ADGRL3: variants seen among roughly 807,000 people sequenced by gnomAD.
ADGRL3 encodes the protein calcium-independent alpha-latrotoxin receptor 3.
A neutral mutation model predicts 153.5 loss-of-function variants in ADGRL3; 62 were observed. The ratio of observed to expected loss-of-function variants is 0.40; its 90% CI spans 0.33 to 0.50. The LOEUF (loss-of-function observed/expected upper bound fraction) is 0.50. ADGRL3 is among the 20% of genes least tolerant of loss of function. The probability of loss-of-function intolerance (pLI) is 0.47; values close to 1 mark genes in which losing one functional copy is unlikely to be tolerated. For missense variants in ADGRL3, 1,641 were observed against 1,859.4 expected, an observed-to-expected ratio of 0.88 and a Z score of 2.16; for synonymous variants, 710 against 672.5, an observed-to-expected ratio of 1.06 and a Z score of -0.86.
At chr4:61,886,393 T>G (rs1447068096) in intron 9 of ADGRL3, among the ~76,000 whole-genome samples, 1 of 152,118 alleles carries the variant, frequency 6.6e-6, no homozygotes, top group African/African-American at 2.4e-5. Flanking sequence ...TAGTGGACTT[T>G]GGATGTAAAT....
At chr4:61,892,559 G>T in intron 9 of ADGRL3, 97 bp from the exon 10 acceptor site, 1 of 866,726 alleles carries the variant, frequency 1.2e-6, no homozygotes, top group South Asian at 1.6e-5. Context: ...AAAGCTCTTT[G>T]AACTGTCAAA....
At chr4:62,041,808 CT>C (rs917566092) in intron 24 of ADGRL3, among the ~76,000 whole-genome samples, 1 of 152,028 alleles carries the variant, frequency 6.6e-6, no homozygotes, top group Non-Finnish European at 1.5e-5. Context: ...ATACTATATA[CT>C]TTTTCCTCTG....
chr4:61,723,425 T>A (rs1021495139), intron 6 of ADGRL3, among the ~76,000 whole-genome samples: 4 of 151,588 alleles, frequency 2.6e-5, no homozygotes, highest in Admixed American at 2.6e-4. Context: ...AGAAAAAAGC[T>A]CCCCCATACA....
At chr4:61,351,168 C>A (rs1195893017) in intron 1 of ADGRL3, among the ~76,000 whole-genome samples, 1 of 152,186 alleles carries the variant, frequency 6.6e-6, no homozygotes, top group Non-Finnish European at 1.5e-5. Context: ...GATAGAAAAT[C>A]AAGGCAGCCA....
chr4:61,223,532 G>A (rs911219197), intron 1 of ADGRL3, among the ~76,000 whole-genome samples: 6 of 152,276 alleles, frequency 3.9e-5, no homozygotes, highest in African/African-American at 1.4e-4. Context: ...GGTGAGTGGT[G>A]GTGTGTGTCG....
At chr4:61,680,184 T>C (rs1442596993) in intron 6 of ADGRL3, among the ~76,000 whole-genome samples, 1 of 152,008 alleles carries the variant, frequency 6.6e-6, no homozygotes, top group East Asian at 1.9e-4. Context: ...TTCATTAATG[T>C]GAGGGAAATT....
At chr4:61,822,653 A>G (rs777285886) in intron 9 of ADGRL3, among the ~76,000 whole-genome samples, 1 of 152,170 alleles carries the variant, frequency 6.6e-6, no homozygotes, top group Non-Finnish European at 1.5e-5. Context: ...ATAATTTAGC[A>G]TACTCTTTCT....
intron 11 of ADGRL3, among the ~76,000 whole-genome samples, chr4:61,908,608 CAAA>C (rs5858741): frequency 2.8e-4 from 25 of 89,710 alleles, no homozygotes; most frequent in African/African-American, 9.6e-4. Context: ...AACAACGCCT[CAAA>C]AAAAAAAAAA....
chr4:61,797,022 C>T (rs1241034649), intron 8 of ADGRL3, among the ~76,000 whole-genome samples: 1 of 152,092 alleles, frequency 6.6e-6, no homozygotes, highest in African/African-American at 2.4e-5. Context: ...CCTGTCCTGT[C>T]AATTTGGCTT....
At chr4:61,317,087 G>A (rs2095239156) in intron 1 of ADGRL3, among the ~76,000 whole-genome samples, 1 of 152,152 alleles carries the variant, frequency 6.6e-6, no homozygotes. Context: ...TAAGAGAGGA[G>A]TAAACCTTGA....
intron 8 of ADGRL3, among the ~76,000 whole-genome samples, chr4:61,767,480 A>C (rs1580724967): frequency 6.6e-6 from 1 of 152,082 alleles, no homozygotes; most frequent in Non-Finnish European, 1.5e-5. Context: ...GGACGGGCTT[A>C]CCTTCCACTG....
intron 4 of ADGRL3, among the ~76,000 whole-genome samples, chr4:61,573,348 A>G (rs1003935076): frequency 3.9e-5 from 6 of 151,990 alleles, no homozygotes; most frequent in Non-Finnish European, 8.8e-5. Context: ...ATATATCTGC[A>G]TTCATCTTAA....
intron 2 of ADGRL3, 40 bp from the exon 3 acceptor site, chr4:61,497,081 T>C: frequency 3.8e-6 from 2 of 526,316 alleles, no homozygotes; most frequent in South Asian, 5.2e-5. Context: ...GATTACTTAC[T>C]TATTTTATAC....
chr4:61,993,437 A>G (rs1021254712), intron 19 of ADGRL3, among the ~76,000 whole-genome samples: 3 of 150,964 alleles, frequency 2.0e-5, no homozygotes, highest in Admixed American at 2.0e-4. Flanking sequence ...GATTACAGGC[A>G]TGCATCACCA....
rs771099254 is a variant in ADGRL3 at position 62,070,211 on chromosome 4, G to A, written c.3935G>A (p.Ser1312Asn). The change falls in exon 27 of 27, where the codon AGC becomes AAC. Residue 1312 changes from serine (S) to asparagine (N), a missense_variant. Ser to Asn is a conservative substitution (Grantham distance 46). Transcript: ENST00000683033. ...SYSIASGEYLSNCVQIIDRGY... is the reference protein window; with the variant it reads ...SYSIASGEYLNNCVQIIDRGY... Reference sequence around the variant, plus strand: ...AGCATTGCCAGCGGCGAATACCTGAGCAACTGTGTGCAAATCATAGACCGT... The same window carrying A: ...AGCATTGCCAGCGGCGAATACCTGAACAACTGTGTGCAAATCATAGACCGT... 2.5e-6 allele frequency: 4 copies of A among 1,613,820 alleles called. No homozygotes were observed. The highest frequency in any genetic ancestry group is 1.1e-5 in the South Asian group (1 of 91,084).
At chr4:61,469,093 G>A (rs944219153) in intron 2 of ADGRL3, among the ~76,000 whole-genome samples, 4 of 151,994 alleles carry the variant, frequency 2.6e-5, no homozygotes, top group African/African-American at 9.7e-5. Context: ...CTATTGGGAA[G>A]CCCACTACCC....
chr4:61,306,639 A>G (rs1276093974), intron 1 of ADGRL3, among the ~76,000 whole-genome samples: 3 of 152,160 alleles, frequency 2.0e-5, no homozygotes, highest in Non-Finnish European at 4.4e-5. Flanking sequence ...CATTTCTCCA[A>G]CTCTAGGATT....
intron 6 of ADGRL3, among the ~76,000 whole-genome samples, chr4:61,679,190 T>G (rs577749269): frequency 1.3e-5 from 2 of 152,012 alleles, no homozygotes; most frequent in South Asian, 4.1e-4. Context: ...GTACCTCATA[T>G]GGCAATAAAG....
intron 5 of ADGRL3, among the ~76,000 whole-genome samples, chr4:61,597,971 T>C (rs1249480955): frequency 1.3e-5 from 2 of 152,258 alleles, no homozygotes; most frequent in Non-Finnish European, 2.9e-5. Flanking sequence ...CAAAACATAC[T>C]GCTCTCTCAC....
Sources: allele counts gnomAD v4.1 joint callset (sites outside exome capture counted in the v4.1 genomes callset), GRCh38; gene constraint gnomAD v4.1.1; transcripts MANE v1.5; gene names NCBI Gene and HGNC (gene_info 2026-07-23, HGNC 2026-07-21).